The following RORB variants were observed in gnomAD, a reference collection of about 807,000 sequenced individuals.
RORB encodes the protein RAR related orphan receptor B.
In RORB, 6 loss-of-function variants were observed where a neutral mutation model predicts 59.1. The ratio of observed to expected loss-of-function variants is 0.10; its 90% CI spans 0.06 to 0.20. The LOEUF is 0.20. Among genes scored for constraint, RORB ranks in the 10% least tolerant of loss-of-function variants. The probability of loss-of-function intolerance (pLI) is 1.00; values close to 1 mark genes in which losing one functional copy is unlikely to be tolerated. For missense variants in RORB, 320 were observed against 560.5 expected, an observed-to-expected ratio of 0.57 and a Z score of 4.33; for synonymous variants, 215 against 204.5, an observed-to-expected ratio of 1.05 and a Z score of -0.44.
chr9:74,532,009 T>A (rs190490464), intron 1 of RORB, among the ~76,000 whole-genome samples: 4 of 151,950 alleles, frequency 2.6e-5, no homozygotes, highest in Admixed American at 6.6e-5. Flanking sequence ...TGTTTCTTTT[T>A]ATCTAAGCTG....
intron 6 of RORB, among the ~76,000 whole-genome samples, chr9:74,664,948 A>T (rs1014201776): frequency 6.6e-6 from 1 of 152,236 alleles, no homozygotes; most frequent in Non-Finnish European, 1.5e-5. Context: ...AATTCATTCA[A>T]TAAATATTTG....
intron 4 of RORB, among the ~76,000 whole-genome samples, chr9:74,656,862 A>G (rs11144041): frequency 6.6e-6 from 1 of 152,150 alleles, no homozygotes; most frequent in African/African-American, 2.4e-5. Context: ...CTACAAGATG[A>G]AATTCCTTGA....
chr9:74,593,478 A>C (rs949444266), intron 1 of RORB, among the ~76,000 whole-genome samples: 6 of 151,768 alleles, frequency 4.0e-5, no homozygotes, highest in East Asian at 1.9e-4. Context: ...AAAAAAAAAA[A>C]AAAAAACAAA....
chr9:74,681,763 A>G (rs937042607), intron 9 of RORB, among the ~76,000 whole-genome samples: 1 of 152,212 alleles, frequency 6.6e-6, no homozygotes, highest in South Asian at 2.1e-4. Flanking sequence ...TATACATTTC[A>G]TGTCACACAC....
chr9:74,657,236 A>G (rs1563966063), intron 4 of RORB, among the ~76,000 whole-genome samples: 1 of 151,566 alleles, frequency 6.6e-6, no homozygotes, highest in Non-Finnish European at 1.5e-5. Context: ...TTATTTATTT[A>G]TTGTATTTTT....
intron 1 of RORB, among the ~76,000 whole-genome samples, chr9:74,504,887 A>G (rs1825849277): frequency 6.6e-6 from 1 of 152,084 alleles, no homozygotes; most frequent in Non-Finnish European, 1.5e-5. Flanking sequence ...TTGTGTATTT[A>G]AAAAATTCTC....
chr9:74,519,461 T>C (rs1255139724), intron 1 of RORB, among the ~76,000 whole-genome samples: 2 of 152,012 alleles, frequency 1.3e-5, no homozygotes, highest in African/African-American at 4.8e-5. Context: ...CCTTGAGACC[T>C]AATTTAGCTT....
chr9:74,653,292 A>G (rs1824025246), intron 4 of RORB, among the ~76,000 whole-genome samples: 1 of 152,214 alleles, frequency 6.6e-6, no homozygotes, highest in Non-Finnish European at 1.5e-5. Flanking sequence ...ATATCCTGCC[A>G]CTAATTCACA....
intron 1 of RORB, among the ~76,000 whole-genome samples, chr9:74,523,258 C>T (rs1045091800): frequency 5.3e-5 from 8 of 151,414 alleles, no homozygotes; most frequent in East Asian, 3.9e-4. Flanking sequence ...TTCATCTTTT[C>T]GTCTTGTTTC....
chr9:74,687,734 T>C lies in RORB; in HGVS notation c.*2116T>C, dbSNP rs551931886. On this transcript the variant is annotated 3_prime_UTR_variant, in exon 10 of 10. Coordinates refer to ENST00000376896, the MANE Select transcript of RORB (RefSeq NM_006914.4). ...TTGTATAAAGAATTAATTCCCAGAG[T>C]CATATTTCCTTCTAATGGAAAGATT... is the stretch of plus-strand genomic sequence containing the variant. The C allele has an allele frequency of 1.3e-5, 2 of 152,206 alleles. No homozygotes were observed. Among genetic ancestry groups the C allele is most frequent in the South Asian group, 2.1e-4 (1 of 4,820 alleles). The allele number at this position is 152,206 out of a possible 1,614,324, so 9.4% of individuals were successfully genotyped here. A position where few individuals can be genotyped will look rare whatever the true frequency, so the allele number is the denominator to read the frequency against.
In RORB at chr9:74,510,447, T is replaced by C. The variant is rs987043242; in HGVS notation, c.7+12464T>C. On this transcript the variant is annotated intron_variant, in intron 1 of 9. Transcript: ENST00000376896. ...CTGCAGCTGCTCTTAAGGAAAATTC[T>C]GAAAACATTTAAGAGAGGAACTATG... Among the ~76,000 whole-genome samples, 6 of 152,316 alleles carry C rather than the reference T, an allele frequency of 3.9e-5. No homozygotes were observed. In the East Asian group the frequency reaches 1.2e-3, roughly 29 times the overall value.
chr9:74,517,431 C>T (rs1004787765), intron 1 of RORB, among the ~76,000 whole-genome samples: 1 of 151,924 alleles, frequency 6.6e-6, no homozygotes, highest in Non-Finnish European at 1.5e-5. Context: ...AAAGGTACGG[C>T]GTGGTGGTGT....
chr9:74,574,018 T>A (rs1822592883), intron 1 of RORB, among the ~76,000 whole-genome samples: 1 of 152,062 alleles, frequency 6.6e-6, no homozygotes, highest in African/African-American at 2.4e-5. Flanking sequence ...GAGCAGTATT[T>A]TAAAGGAACA....
intron 1 of RORB, among the ~76,000 whole-genome samples, chr9:74,533,560 GTCTT>G (rs1362484167): frequency 6.6e-6 from 1 of 151,952 alleles, no homozygotes; most frequent in Non-Finnish European, 1.5e-5. Flanking sequence ...TTATTTTGTT[GTCTT>G]TTAAAAATCT....
At chr9:74,589,977 C>G (rs1490887614) in intron 1 of RORB, among the ~76,000 whole-genome samples, 1 of 152,240 alleles carries the variant, frequency 6.6e-6, no homozygotes, top group Non-Finnish European at 1.5e-5. Context: ...TCCACCTCCT[C>G]CATTCACTAC....
intron 1 of RORB, among the ~76,000 whole-genome samples, chr9:74,525,989 A>G (rs558320041): frequency 6.6e-6 from 1 of 151,992 alleles, no homozygotes; most frequent in South Asian, 2.1e-4. Context: ...CACTTTAAGA[A>G]AAAATTGTTT....
intron 3 of RORB, among the ~76,000 whole-genome samples, chr9:74,635,615 C>T (rs1226672846): frequency 1.3e-5 from 2 of 152,142 alleles, no homozygotes; most frequent in Non-Finnish European, 2.9e-5. Flanking sequence ...CCCACTAAAA[C>T]ATCAGGCTCT....
At position 74,662,536 on chromosome 9, in the gene RORB, G is replaced by T. The variant is rs533226295; in HGVS notation, c.822G>T (p.Val274=). ...IQITHAIQYV[V]EFAKRITGFM... is the part of the protein sequence containing the mutation. ...TCACTCACGCCATCCAATACGTGGTGGAGTTTGCAAAGCGGATAACAGGCT... is the reference window on the plus strand; with the variant it reads ...TCACTCACGCCATCCAATACGTGGTTGAGTTTGCAAAGCGGATAACAGGCT... Residue 274 remains valine (V), a synonymous_variant, in exon 6 of 10, where the codon GTG becomes GTT. Transcript: ENST00000376896. The T allele has an allele frequency of 6.8e-6, 11 of 1,614,052 alleles. 1 individual carries two copies. In the South Asian group the frequency reaches 1.2e-4, roughly 18 times the overall value.
At chr9:74,665,954 C>T (rs1824257151) in intron 7 of RORB, among the ~76,000 whole-genome samples, 1 of 152,186 alleles carries the variant, frequency 6.6e-6, no homozygotes. Flanking sequence ...CCAGCATGGG[C>T]AACATGGCCA....
Sources: gnomAD v4.1 joint callset for allele counts (sites outside exome capture counted in the v4.1 genomes callset) on GRCh38, gnomAD v4.1.1 for gene constraint, MANE v1.5 for transcripts, NCBI Gene and HGNC (gene_info 2026-07-23, HGNC 2026-07-21) for gene names.